The following PPP4R3B variants were observed in gnomAD, a reference collection of about 807,000 sequenced individuals.
PPP4R3B encodes protein phosphatase 4 regulatory subunit 3B.
PPP4R3B carries 52 observed loss-of-function variants against 95.4 expected under a neutral mutation model. The observed-to-expected ratio is 0.54, with a 90% CI of 0.44 to 0.69. PPP4R3B has a LOEUF of 0.69. Among genes scored for constraint, PPP4R3B ranks in the 30% least tolerant of loss-of-function variants. The pLI, the probability that PPP4R3B is intolerant of heterozygous loss-of-function variation, is 0.00. For synonymous variants in PPP4R3B, 407 were observed against 343.9 expected (o/e 1.18, Z -2.03); for missense variants, 1,003 against 1,005.9 (o/e 1.00, Z 0.04).
chr2:55,606,090 C>T (rs1342022346), intron 2 of PPP4R3B, among the ~76,000 whole-genome samples: 1 of 152,094 alleles, frequency 6.6e-6, no homozygotes, highest in Non-Finnish European at 1.5e-5. Context: ...AGGGTACCCA[C>T]TCAGGCTCCC....
At chr2:55,610,868 GGTT>G (rs1694066058) in intron 2 of PPP4R3B, among the ~76,000 whole-genome samples, 1 of 55,770 alleles carries the variant, frequency 1.8e-5, no homozygotes, top group Non-Finnish European at 3.9e-5. Flanking sequence ...TTATGACTCT[GGTT>G]TTTTTTTTTT....
At chr2:55,565,089 A>G in intron 13 of PPP4R3B, 48 bp from the exon 14 acceptor site, 4 of 1,420,184 alleles carry the variant, frequency 2.8e-6, no homozygotes, top group Non-Finnish European at 3.7e-6. Context: ...AATGCTTGTT[A>G]GAAGAAAAAC....
chr2:55,600,915 T>A (rs540486882), intron 3 of PPP4R3B, among the ~76,000 whole-genome samples: 11 of 152,188 alleles, frequency 7.2e-5, no homozygotes, highest in African/African-American at 2.4e-4. Flanking sequence ...TCCCAGCACT[T>A]TGGGACGCTG....
chr2:55,568,430 T>G, intron 12 of PPP4R3B, 67 bp from the exon 13 acceptor site: 1 of 1,344,554 alleles, frequency 7.4e-7, no homozygotes, highest in South Asian at 1.7e-5. Context: ...ACAGGTGTTT[T>G]TCCACCATAA....
In PPP4R3B at chr2:55,564,436, C is replaced by T. The variant is rs1687025834; in HGVS notation, c.2137G>A (p.Glu713Lys). Residue 713 changes from glutamate to lysine, a missense_variant, in exon 15 of 17, where the codon GAA becomes AAA. Coordinates refer to ENST00000616407, the MANE Select transcript of PPP4R3B (RefSeq NM_001122964.3). ...TCATCTTCATTAAACCACATTTCTT[C>T]ATCCTCTTCCAAGGCTTTTGCATCT... ...RRDAKALEED[E>K]EMWFNEDEEE... 1 of 1,613,494 alleles carries T rather than the reference C, an allele frequency of 6.2e-7. No homozygotes were observed. Among genetic ancestry groups the T allele is most frequent in the African/African-American group, 1.3e-5 (1 of 74,890 alleles).
intron 7 of PPP4R3B, among the ~76,000 whole-genome samples, chr2:55,582,629 T>C (rs952696828): frequency 2.6e-5 from 4 of 152,154 alleles, no homozygotes; most frequent in African/African-American, 4.8e-5. Context: ...CGTGACAAAA[T>C]TACATAAAAA....
chr2:55,570,765 A>G (rs1687893771), intron 12 of PPP4R3B, among the ~76,000 whole-genome samples: 1 of 152,360 alleles, frequency 6.6e-6, no homozygotes, highest in Non-Finnish European at 1.5e-5. Flanking sequence ...AATAGGCCAC[A>G]TAAGGTATAA....
intron 12 of PPP4R3B, among the ~76,000 whole-genome samples, chr2:55,573,134 ATGTCTATAT>A (rs998401985): frequency 2.0e-5 from 3 of 152,204 alleles, no homozygotes; most frequent in Non-Finnish European, 4.4e-5. Context: ...ATTAAATTAA[ATGTCTATAT>A]TTAAAATATA....
chr2:55,552,912 G>C (rs944221506), intron 16 of PPP4R3B, among the ~76,000 whole-genome samples: 1 of 152,276 alleles, frequency 6.6e-6, no homozygotes. Context: ...ACGAGAAACT[G>C]ATTTGTCTTA....
In PPP4R3B at chr2:55,581,633, G is replaced by A. The variant is rs369574257; in HGVS notation, c.1299C>T (p.Gly433=). The A allele has an allele frequency of 7.3e-5, 118 of 1,613,324 alleles. No individual in the cohort carries two copies. The highest frequency in any genetic ancestry group is 9.2e-5 in the Non-Finnish European group (109 of 1,179,668). Residue 433 remains glycine, a synonymous_variant, in exon 8 of 17, where the codon GGC becomes GGT. Transcript: ENST00000616407. The part of the protein sequence containing the change: ...MICDTDPELG[G]AVQLMGLLRT... ...GAAGAAGTCCCATTAACTGAACAGC[G>A]CCTCCTAGCTCAGGATCAGTATCAC...
intron 13 of PPP4R3B, chr2:55,567,978 T>C (rs1389265033): frequency 7.3e-6 from 2 of 272,662 alleles, no homozygotes; most frequent in East Asian, 1.3e-4. Context: ...GTGTCAAAAG[T>C]AAAAACCACT....
Position 55,578,284 on chromosome 2 carries a change from G to C in PPP4R3B, c.1527C>G (p.Ser509=). The change falls in exon 10 of 17, where the codon TCC becomes TCG. Residue 509 remains serine (S), a synonymous_variant. Coordinates refer to ENST00000616407, the MANE Select transcript of PPP4R3B (RefSeq NM_001122964.3). ...AGGAAGAGGGGGTAGAATGGGAATG[G>C]GAATGTGAAGGGGTACATATGAAAC... ...SWSFICTPSH[S]HSHSTPSSSI... is the part of the protein sequence containing the mutation. 4.1e-6 allele frequency: 6 copies of C among 1,480,466 alleles called. No individual in the cohort carries two copies. The highest frequency in any genetic ancestry group is 5.4e-6 in the Non-Finnish European group (6 of 1,113,030). The allele number at this position is 1,480,466 out of a possible 1,614,324, so 91.7% of individuals were successfully genotyped here. A position where few individuals can be genotyped will look rare whatever the true frequency, so the allele number is the denominator to read the frequency against.
intron 2 of PPP4R3B, among the ~76,000 whole-genome samples, chr2:55,613,517 G>C (rs181389661): frequency 6.3e-4 from 96 of 151,854 alleles, no homozygotes; most frequent in African/African-American, 2.2e-3. Flanking sequence ...TAATTATCTA[G>C]AACTAATTTT....
intron 2 of PPP4R3B, among the ~76,000 whole-genome samples, chr2:55,612,977 G>A (rs972483068): frequency 2.0e-5 from 3 of 151,828 alleles, no homozygotes; most frequent in African/African-American, 7.3e-5. Flanking sequence ...CAAGCATGGT[G>A]GCTCACATCC....
At position 55,598,491 on chromosome 2, in the gene PPP4R3B, A is replaced by C; in HGVS notation, c.846T>G (p.Val282=). Residue 282 remains valine (V), a synonymous_variant, in exon 4 of 17, where the codon GTT becomes GTG. Transcript: ENST00000616407. ...IQDIILPTPS[V]FEENFLSTLT... is the part of the protein sequence containing the mutation. Reference sequence around the variant, plus strand: ...GAGTAGAAAGAAAATTCTCTTCAAAAACAGATGGTGTGGGCAAAATGATGT... The same window carrying C: ...GAGTAGAAAGAAAATTCTCTTCAAACACAGATGGTGTGGGCAAAATGATGT... The C allele has an allele frequency of 2.5e-6, 4 of 1,614,182 alleles. No homozygotes were observed. The highest frequency in any genetic ancestry group is 3.4e-6 in the Non-Finnish European group (4 of 1,180,038).
At chr2:55,603,862 C>A (rs191349648) in intron 3 of PPP4R3B, 116 bp downstream of exon 3, 1 of 569,766 alleles carries the variant, frequency 1.8e-6, no homozygotes, top group Non-Finnish European at 2.9e-6. Flanking sequence ...GTTAGATTAT[C>A]AAGTCTCACA....
At chr2:55,615,717 T>C (rs1027471071) in intron 1 of PPP4R3B, among the ~76,000 whole-genome samples, 1 of 151,684 alleles carries the variant, frequency 6.6e-6, no homozygotes, top group African/African-American at 2.4e-5. Flanking sequence ...CTGGGCGTGG[T>C]GGCGCATGCC....
intron 4 of PPP4R3B, chr2:55,591,612 A>C: frequency 2.0e-6 from 2 of 984,320 alleles, no homozygotes; most frequent in Non-Finnish European, 2.4e-6. Flanking sequence ...TTTCATAAGA[A>C]AAAAGTTCCA....
At chr2:55,596,514 T>C (rs1454274852) in intron 4 of PPP4R3B, among the ~76,000 whole-genome samples, 4 of 152,206 alleles carry the variant, frequency 2.6e-5, no homozygotes, top group Admixed American at 2.0e-4. Flanking sequence ...ATGCTATAAA[T>C]AGAATGATGT....
Sources: gnomAD v4.1 joint callset for allele counts (sites outside exome capture counted in the v4.1 genomes callset) on GRCh38, gnomAD v4.1.1 for gene constraint, MANE v1.5 for transcripts, NCBI Gene and HGNC (gene_info 2026-07-23, HGNC 2026-07-21) for gene names.